Variants in GNA13 observed in about 807,000 individuals in gnomAD.
GNA13 encodes guanine nucleotide-binding protein subunit alpha-13.
A neutral mutation model predicts 33.5 loss-of-function variants in GNA13; 4 were observed. That is an observed-to-expected ratio of 0.12 (90% CI 0.06 to 0.27). The LOEUF is 0.27. GNA13 is among the 10% of genes least tolerant of loss of function. The pLI, the probability that GNA13 is intolerant of heterozygous loss-of-function variation, is 1.00. For missense variants in GNA13, 319 were observed against 487.2 expected (o/e 0.65, Z 3.25); for synonymous variants, 176 against 183.8 (o/e 0.96, Z 0.34).
At position 65,012,550 on chromosome 17, in the gene GNA13, A is replaced by G. The variant is rs930359227; in HGVS notation, c.*1707T>C. 1 of 220,140 alleles carries G rather than the reference A, an allele frequency of 4.5e-6. No individual in the cohort carries two copies. Among genetic ancestry groups the G allele is most frequent in the Non-Finnish European group, 9.1e-6 (1 of 109,892 alleles). The allele number at this position is 220,140 out of a possible 1,614,324, so 13.6% of individuals were successfully genotyped here. ...AGCTCATGGATTACCATGGCATGAA[A>G]ATGCTAGAAGTTATATGGATACAAT... is the stretch of plus-strand genomic sequence containing the variant. On this transcript the variant is annotated 3_prime_UTR_variant, in exon 4 of 4. Coordinates refer to ENST00000439174, the MANE Select transcript of GNA13 (RefSeq NM_006572.6).
At chr17:65,033,952 G>A (rs1231765225) in intron 2 of GNA13, among the ~76,000 whole-genome samples, 4 of 134,680 alleles carry the variant, frequency 3.0e-5, no homozygotes, top group South Asian at 2.5e-4. Context: ...GGCGGAGGTT[G>A]CAGTGAGCCA....
At chr17:65,034,698 C>CT (rs139419336) in intron 2 of GNA13, among the ~76,000 whole-genome samples, 2,221 of 152,310 alleles carry the variant, frequency 0.015, 54 homozygotes, top group African/African-American at 0.05. Context: ...AATTCTCCTA[C>CT]TACAGAAGTC....
chr17:65,047,292 G>T (rs1417181998), intron 2 of GNA13, among the ~76,000 whole-genome samples: 1 of 152,128 alleles, frequency 6.6e-6, no homozygotes, highest in Non-Finnish European at 1.5e-5. Context: ...GGAGGCTGAA[G>T]CAGGAGGATC....
chr17:65,024,219 T>G (rs1215173117), intron 2 of GNA13, among the ~76,000 whole-genome samples: 1 of 152,178 alleles, frequency 6.6e-6, no homozygotes, highest in African/African-American at 2.4e-5. Flanking sequence ...GGCACTGCAC[T>G]CCAGCCTGGG....
At chr17:65,016,038 ACC>A (rs1217041839) in intron 3 of GNA13, among the ~76,000 whole-genome samples, 1 of 152,088 alleles carries the variant, frequency 6.6e-6, no homozygotes, top group African/African-American at 2.4e-5. Flanking sequence ...GAACTCTAAG[ACC>A]CTGAACAAAC....
In GNA13 at chr17:65,012,306, T is replaced by TG. The variant is rs1906219011; in HGVS notation, c.*1950dup. On this transcript the variant is annotated 3_prime_UTR_variant, in exon 4 of 4. Coordinates refer to ENST00000439174, the MANE Select transcript of GNA13 (RefSeq NM_006572.6). ...TTGGCCATTCAATTTGCTAAATGTA[T>TG]GGGTAAACTCTCCAATGAATAGTCC... The TG allele has an allele frequency of 1.3e-5, 3 of 223,832 alleles. No individual in the cohort carries two copies. The highest frequency in any genetic ancestry group is 2.7e-5 in the Non-Finnish European group (3 of 112,218). 13.9% of individuals were successfully genotyped at this position (223,832 alleles called of 1,614,324 possible).
intron 1 of GNA13, among the ~76,000 whole-genome samples, chr17:65,056,052 G>A (rs1202700573): frequency 6.6e-6 from 1 of 152,096 alleles, no homozygotes; most frequent in Non-Finnish European, 1.5e-5. Flanking sequence ...GCGGTGGGGG[G>A]TGGGGGAATG....
chr17:65,034,008 G>A (rs1423996167), intron 2 of GNA13, among the ~76,000 whole-genome samples: 24 of 12,782 alleles, frequency 1.9e-3, no homozygotes, highest in African/African-American at 2.3e-3. Context: ...GCAGGACTCC[G>A]TCTCAAAAAA....
intron 2 of GNA13, among the ~76,000 whole-genome samples, chr17:65,029,856 A>G (rs901873342): frequency 1.3e-5 from 2 of 151,996 alleles, no homozygotes; most frequent in South Asian, 2.1e-4. Context: ...AGCATAATAC[A>G]TTGAACGGGA....
chr17:65,041,650 T>C (rs916493951), intron 2 of GNA13, among the ~76,000 whole-genome samples: 1 of 152,032 alleles, frequency 6.6e-6, no homozygotes, highest in African/African-American at 2.4e-5. Flanking sequence ...TACGTCTGTG[T>C]GTGCACGTGG....
chr17:65,017,653 ACT>A (rs1906417591), intron 3 of GNA13, among the ~76,000 whole-genome samples: 1 of 151,590 alleles, frequency 6.6e-6, no homozygotes, highest in Admixed American at 6.6e-5. Flanking sequence ...AAAATGATAG[ACT>A]CTCTTTTCAA....
chr17:65,041,031 T>C (rs1462382121), intron 2 of GNA13, among the ~76,000 whole-genome samples: 2 of 152,208 alleles, frequency 1.3e-5, no homozygotes, highest in African/African-American at 2.4e-5. Context: ...TCATGATGCT[T>C]AAATAAAAAT....
intron 3 of GNA13, among the ~76,000 whole-genome samples, chr17:65,016,186 C>G (rs1219724926): frequency 6.6e-6 from 1 of 152,154 alleles, no homozygotes; most frequent in Non-Finnish European, 1.5e-5. Flanking sequence ...ATGAACGGGA[C>G]AGCTAATATT....
chr17:65,050,599 G>A (rs1907827697), intron 2 of GNA13, among the ~76,000 whole-genome samples: 1 of 152,056 alleles, frequency 6.6e-6, no homozygotes, highest in African/African-American at 2.4e-5. Flanking sequence ...GGGTGTGACG[G>A]CACACACCTG....
chr17:65,036,678 C>T (rs1325933787), intron 2 of GNA13, among the ~76,000 whole-genome samples: 1 of 152,170 alleles, frequency 6.6e-6, no homozygotes, highest in Non-Finnish European at 1.5e-5. Context: ...TGCACTCCAG[C>T]CTGGGTGAAA....
rs112783575 is a variant in GNA13 at position 65,044,415 on chromosome 17, C to T, written c.510+9087G>A. On this transcript the variant is annotated intron_variant, in intron 2 of 3. Transcript: ENST00000439174. ...TGAATAGTATATAGCTAGGGAAAAA[C>T]GAAATACTTTCAAGCAGGGAAATAA... Among the ~76,000 whole-genome samples the T allele has an allele frequency of 3.4e-3, 514 of 152,124 alleles. 5 individuals carry two copies. Among genetic ancestry groups the T allele is most frequent in the African/African-American group, 0.012 (490 of 41,514 alleles).
In GNA13 at chr17:65,014,877, C is replaced by A. The variant is rs569713745; in HGVS notation, c.562-48G>T. 6.0e-6 allele frequency: 7 copies of A among 1,170,756 alleles called. No individual in the cohort carries two copies. The highest frequency in any genetic ancestry group is 8.7e-6 in the Non-Finnish European group (7 of 808,694). 72.5% of individuals were successfully genotyped at this position (1,170,756 alleles called of 1,614,324 possible). On this transcript the variant is annotated intron_variant, in intron 3 of 3. Coordinates refer to ENST00000439174, the MANE Select transcript of GNA13 (RefSeq NM_006572.6). The surrounding 1 kb of genome is among the most constrained non-coding windows in gnomAD (Gnocchi z 5.3). Reference sequence around the variant, plus strand: ...TATACCTATTAATCCCGAAGTAATGCGAATTTTTAATGGACTACTAACTGG... The same window carrying A: ...TATACCTATTAATCCCGAAGTAATGAGAATTTTTAATGGACTACTAACTGG...
chr17:65,045,097 T>C (rs551726710), intron 2 of GNA13, among the ~76,000 whole-genome samples: 24 of 150,964 alleles, frequency 1.6e-4, no homozygotes, highest in Non-Finnish European at 3.0e-4. Flanking sequence ...TCCCCTTCTC[T>C]AAAACAAAAG....
rs1906770132 is a variant in GNA13 at position 65,026,028 on chromosome 17, A to AGGTTTT, written c.511-7726_511-7725insAAAACC. Among the ~76,000 whole-genome samples the AGGTTTT allele has an allele frequency of 1.4e-4, 22 of 152,176 alleles. No individual in the cohort carries two copies. The South Asian group carries it at 4.6e-3, about 32-fold the overall frequency. On this transcript the variant is annotated intron_variant, in intron 2 of 3. Coordinates refer to ENST00000439174, the MANE Select transcript of GNA13 (RefSeq NM_006572.6). Reference sequence around the variant, plus strand: ...AACAGCAGATAAGACACAACAAAAAAAATTATAAGTAATGTATAAGGTTTT... The same window carrying AGGTTTT: ...AACAGCAGATAAGACACAACAAAAAAGGTTTTAATTATAAGTAATGTATAAGGTTTT...
Sources: gnomAD v4.1 joint callset for allele counts (sites outside exome capture counted in the v4.1 genomes callset) on GRCh38, gnomAD v4.1.1 for gene constraint, Gnocchi (gnomAD v3.1) non-coding constraint, MANE v1.5 for transcripts, NCBI Gene and HGNC (gene_info 2026-07-23, HGNC 2026-07-21) for gene names.